FIRRM: variants seen among roughly 807,000 people sequenced by gnomAD.
FIRRM encodes the protein FIGNL1-interacting regulator of recombination and mitosis.
the FIRRM span, chr1:169,851,173 C>A: frequency 6.7e-6 from 1 of 149,588 alleles, no homozygotes; most frequent in African/African-American, 2.5e-5. Flanking sequence ...TACTTGGGAA[C>A]TTAGTGTGAG....
At chr1:169,831,376 G>T in the FIRRM span, among the ~76,000 whole-genome samples, 3 of 151,862 alleles carry the variant, frequency 2.0e-5, no homozygotes, top group Admixed American at 6.6e-5. Context: ...TCTTATGTGG[G>T]CCATACATCT....
chr1:169,852,130 TTC>T, the FIRRM span: 1 of 679,382 alleles, frequency 1.5e-6, no homozygotes, highest in Admixed American at 2.7e-5. Context: ...ATCAAATATA[TTC>T]TTTCAGTATG....
chr1:169,799,496 C>G, the FIRRM span, among the ~76,000 whole-genome samples: 5 of 152,162 alleles, frequency 3.3e-5, no homozygotes, highest in African/African-American at 1.2e-4. Context: ...TTAGAGTTCA[C>G]TTGGTTGTGG....
the FIRRM span, among the ~76,000 whole-genome samples, chr1:169,797,962 G>A: frequency 9.9e-5 from 15 of 152,226 alleles, no homozygotes; most frequent in African/African-American, 3.4e-4. Flanking sequence ...ATTTATTGTC[G>A]TGTATTTGTA....
chr1:169,839,156 A>G, the FIRRM span, among the ~76,000 whole-genome samples: 1 of 152,124 alleles, frequency 6.6e-6, no homozygotes, highest in Non-Finnish European at 1.5e-5. Context: ...TATATGTACC[A>G]CATTTTCTTT....
the FIRRM span, among the ~76,000 whole-genome samples, chr1:169,833,252 C>T: frequency 2.3e-4 from 35 of 152,052 alleles, no homozygotes; most frequent in African/African-American, 8.5e-4. Flanking sequence ...AATATAAGTT[C>T]CTGGACTCTA....
At chr1:169,842,475 C>T in the FIRRM span, 6 of 1,613,818 alleles carry the variant, frequency 3.7e-6, no homozygotes, top group South Asian at 6.6e-5. Flanking sequence ...GCTTTGGATA[C>T]AGGAAAACAA....
chr1:169,799,427 C>T, the FIRRM span, among the ~76,000 whole-genome samples: 1 of 152,166 alleles, frequency 6.6e-6, no homozygotes, highest in African/African-American at 2.4e-5. Context: ...ATTCATTCTT[C>T]TAGTCAGAAG....
chr1:169,833,388 A>G, the FIRRM span, among the ~76,000 whole-genome samples: 1 of 152,174 alleles, frequency 6.6e-6, no homozygotes, highest in Admixed American at 6.5e-5. Context: ...CCACTAGATT[A>G]GTGAAGAGGA....
the FIRRM span, chr1:169,796,051 G>GA: frequency 2.5e-6 from 2 of 811,140 alleles, no homozygotes; most frequent in South Asian, 5.6e-5. Context: ...ACACTCAAAA[G>GA]AAAAAAAGTA....
At chr1:169,847,333 A>T in the FIRRM span, among the ~76,000 whole-genome samples, 1 of 151,580 alleles carries the variant, frequency 6.6e-6, no homozygotes. Flanking sequence ...AAAAAAAAAA[A>T]AAAAAAAGCA....
At chr1:169,830,141 T>G in the FIRRM span, 4 of 790,072 alleles carry the variant, frequency 5.1e-6, no homozygotes, top group Non-Finnish European at 7.9e-6. Context: ...ACTCCCCCAT[T>G]GAGGATCTGT....
chr1:169,821,444 T>A, the FIRRM span, among the ~76,000 whole-genome samples: 4 of 151,856 alleles, frequency 2.6e-5, no homozygotes, highest in South Asian at 8.3e-4. Context: ...AGGTTAAGAT[T>A]TCTTTTCTTT....
chr1:169,837,545 G>T, the FIRRM span, among the ~76,000 whole-genome samples: 1 of 152,186 alleles, frequency 6.6e-6, no homozygotes, highest in Non-Finnish European at 1.5e-5. Context: ...TTATCTACTA[G>T]AAGAAGTAGG....
chr1:169,827,310 T>A, the FIRRM span: 1 of 924,140 alleles, frequency 1.1e-6, no homozygotes, highest in Non-Finnish European at 1.6e-6. Flanking sequence ...TAAGTTTCTT[T>A]TACTTTCTTT....
chr1:169,806,112 CTT>C, the FIRRM span: 1 of 1,409,272 alleles, frequency 7.1e-7, no homozygotes, highest in Non-Finnish European at 9.8e-7. Context: ...TTATTTTTTA[CTT>C]TTTAGAAAAT....
the FIRRM span, chr1:169,837,098 G>A: frequency 1.9e-6 from 3 of 1,581,732 alleles, no homozygotes; most frequent in Non-Finnish European, 2.6e-6. Context: ...TACTTTGGGA[G>A]AACTAGAATC....
the FIRRM span, chr1:169,792,883 A>T: frequency 1.9e-6 from 3 of 1,614,060 alleles, no homozygotes; most frequent in Non-Finnish European, 2.5e-6. Flanking sequence ...TACAAAACTC[A>T]GACCACTCAC....
chr1:169,841,261 T>G, the FIRRM span, among the ~76,000 whole-genome samples: 1 of 152,236 alleles, frequency 6.6e-6, no homozygotes, highest in Non-Finnish European at 1.5e-5. Flanking sequence ...ACTTATTGAT[T>G]TGCATATGTT....
Sources: allele counts gnomAD v4.1 joint callset (sites outside exome capture counted in the v4.1 genomes callset), GRCh38; gene constraint gnomAD v4.1.1; transcripts MANE v1.5; gene names NCBI Gene and HGNC (gene_info 2026-07-23, HGNC 2026-07-21).